The following DNAH14 variants were observed in gnomAD, a reference collection of about 807,000 sequenced individuals.
DNAH14 encodes dynein axonemal heavy chain 14, also known as axonemal beta dynein heavy chain 14.
DNAH14 carries 478 observed loss-of-function variants against 520.9 expected under a neutral mutation model. The observed-to-expected ratio is 0.92, with a 90% CI of 0.85 to 0.99. DNAH14 has a LOEUF of 0.99. DNAH14 is among the 50% of genes least tolerant of loss of function. The pLI, the probability that DNAH14 is intolerant of heterozygous loss-of-function variation, is 0.00. For synonymous variants in DNAH14, 1,581 were observed against 1,757.2 expected (o/e 0.90, Z 2.51); for missense variants, 4,831 against 5,234.5 (o/e 0.92, Z 2.38).
At chr1:225,103,453 G>A (rs1246111994) in intron 23 of DNAH14, among the ~76,000 whole-genome samples, 2 of 152,064 alleles carry the variant, frequency 1.3e-5, no homozygotes, top group Non-Finnish European at 1.5e-5. Context: ...TGATGGGGAT[G>A]GCATTGAATC....
At chr1:225,109,038 C>T (rs909362796) in intron 23 of DNAH14, among the ~76,000 whole-genome samples, 11 of 152,000 alleles carry the variant, frequency 7.2e-5, no homozygotes, top group African/African-American at 1.2e-4. Flanking sequence ...TGTACGGATT[C>T]GTTTCTGGAT....
intron 36 of DNAH14, among the ~76,000 whole-genome samples, chr1:225,179,314 T>A (rs537571284): frequency 1.3e-5 from 2 of 152,360 alleles, no homozygotes; most frequent in East Asian, 3.9e-4. Context: ...TTTCTTACTT[T>A]CTTCCTTTGT....
chr1:225,304,538 A>C (rs979548388), intron 57 of DNAH14, among the ~76,000 whole-genome samples: 2 of 152,208 alleles, frequency 1.3e-5, no homozygotes, highest in African/African-American at 4.8e-5. Flanking sequence ...GCCTGGACAA[A>C]AGAACAAGAT....
At chr1:225,105,955 T>G (rs2076008519) in intron 23 of DNAH14, among the ~76,000 whole-genome samples, 1 of 137,912 alleles carries the variant, frequency 7.3e-6, no homozygotes, top group Non-Finnish European at 1.5e-5. Flanking sequence ...ATTTTGCTCT[T>G]TAGTTGATGC....
At chr1:225,388,534 TA>T in intron 82 of DNAH14, 43 bp downstream of exon 82, 1 of 1,232,078 alleles carries the variant, frequency 8.1e-7, no homozygotes, top group Non-Finnish European at 1.1e-6. Flanking sequence ...CATTTTTGCT[TA>T]AAGCCCAAAG....
At chr1:225,274,456 A>G (rs1263489833) in intron 52 of DNAH14, among the ~76,000 whole-genome samples, 5 of 151,644 alleles carry the variant, frequency 3.3e-5, no homozygotes, top group Non-Finnish European at 7.4e-5. Context: ...GGCCTCCCAA[A>G]GTGCTGGGAT....
intron 77 of DNAH14, among the ~76,000 whole-genome samples, chr1:225,370,053 G>T (rs930791575): frequency 2.6e-5 from 4 of 152,152 alleles, no homozygotes; most frequent in South Asian, 2.1e-4. Context: ...ACTTTGGGAG[G>T]CCGAGGCAGT....
intron 10 of DNAH14, among the ~76,000 whole-genome samples, chr1:225,013,051 T>C: frequency 6.6e-6 from 1 of 152,194 alleles, no homozygotes; most frequent in East Asian, 1.9e-4. Context: ...CCTTCTGGTT[T>C]TGGGAATTTT....
chr1:225,026,735 T>C (rs1238800940), intron 11 of DNAH14, among the ~76,000 whole-genome samples: 3 of 152,184 alleles, frequency 2.0e-5, no homozygotes, highest in Non-Finnish European at 4.4e-5. Flanking sequence ...TTGTTTTGGC[T>C]ATTGTGGGTC....
intron 15 of DNAH14, among the ~76,000 whole-genome samples, chr1:225,049,536 A>G (rs2068303066): frequency 6.6e-6 from 1 of 151,922 alleles, no homozygotes; most frequent in African/African-American, 2.4e-5. Context: ...TAAACTACTT[A>G]CTTTTGATAA....
chr1:225,212,748 G>A (rs886936130), intron 41 of DNAH14, among the ~76,000 whole-genome samples: 4 of 151,966 alleles, frequency 2.6e-5, no homozygotes, highest in Non-Finnish European at 5.9e-5. Flanking sequence ...CTTTTTGACG[G>A]GGCTGTTTGA....
chr1:224,975,404 G>T (rs1413142299), intron 8 of DNAH14, among the ~76,000 whole-genome samples: 1 of 151,794 alleles, frequency 6.6e-6, no homozygotes, highest in Admixed American at 6.6e-5. Flanking sequence ...CAATTTCAGA[G>T]CCTGTTATTG....
intron 13 of DNAH14, 65 bp from the exon 14 acceptor site, chr1:225,043,679 T>C (rs2067684844): frequency 2.5e-6 from 3 of 1,195,574 alleles, no homozygotes; most frequent in Non-Finnish European, 3.6e-6. Flanking sequence ...TATTAATTTG[T>C]CATTTACCTG....
chr1:224,935,737 G>A (rs1348245406), intron 1 of DNAH14, among the ~76,000 whole-genome samples: 4 of 151,738 alleles, frequency 2.6e-5, no homozygotes, highest in African/African-American at 9.7e-5. Context: ...TTTGCAGAAC[G>A]TTCTGTCCAA....
chr1:225,172,450 G>A (rs923413656), intron 36 of DNAH14, among the ~76,000 whole-genome samples: 39 of 152,232 alleles, frequency 2.6e-4, no homozygotes, highest in African/African-American at 9.1e-4. Context: ...GAAATCACAA[G>A]CATTCTTATA....
chr1:225,074,987 C>A (rs1432356747), intron 17 of DNAH14, among the ~76,000 whole-genome samples: 2 of 152,168 alleles, frequency 1.3e-5, no homozygotes, highest in South Asian at 4.1e-4. Flanking sequence ...GGTCTAACCT[C>A]CCACTTTGCC....
At chr1:225,358,794 T>G in intron 74 of DNAH14, 142 bp downstream of exon 74, 3 of 811,210 alleles carry the variant, frequency 3.7e-6, no homozygotes, top group Non-Finnish European at 5.6e-6. Context: ...ATGGGGATGG[T>G]TCCCCCCATG....
In DNAH14 at chr1:225,231,092, G is replaced by T; in HGVS notation, c.6459G>T (p.Thr2153=). The change falls in exon 42 of 86, where the codon ACG becomes ACT. Residue 2153 remains threonine, a synonymous_variant. Coordinates refer to ENST00000682510, the MANE Select transcript of DNAH14 (RefSeq NM_001367479.1). Reference sequence around the variant, plus strand: ...TTTAAGGTGATGATTTGAATGACACGTCATCTAAGGAGGCAAATTCCCAAA... The same window carrying T: ...TTTAAGGTGATGATTTGAATGACACTTCATCTAAGGAGGCAAATTCCCAAA... The part of the protein sequence containing the change: ...GFEQSDDLND[T]SSKEANSQRE... The T allele has an allele frequency of 6.5e-7, 1 of 1,547,300 alleles. No homozygotes were observed. Among genetic ancestry groups the T allele is most frequent in the Non-Finnish European group, 8.7e-7 (1 of 1,144,962 alleles).
intron 27 of DNAH14, among the ~76,000 whole-genome samples, chr1:225,126,483 G>T (rs1026682332): frequency 6.6e-6 from 1 of 152,154 alleles, no homozygotes. Context: ...AGATTTTCTA[G>T]TTTATTTGCA....
Sources: gnomAD v4.1 joint callset for allele counts (sites outside exome capture counted in the v4.1 genomes callset) on GRCh38, gnomAD v4.1.1 for gene constraint, MANE v1.5 for transcripts, NCBI Gene and HGNC (gene_info 2026-07-23, HGNC 2026-07-21) for gene names.